Variants in DIABLO observed in about 807,000 individuals in gnomAD.
DIABLO encodes diablo homolog, mitochondrial.
DIABLO carries 32 observed loss-of-function variants against 31.7 expected under a neutral mutation model. The observed-to-expected ratio is 1.01, with a 90% confidence interval of 0.76 to 1.35. DIABLO has a LOEUF of 1.35. Ranked by LOEUF, DIABLO falls within the 40% of genes most tolerant of loss-of-function variation. The probability of loss-of-function intolerance (pLI) is 0.00; values close to 1 mark genes in which losing one functional copy is unlikely to be tolerated. For synonymous variants in DIABLO, 132 were observed against 103.2 expected, an observed-to-expected ratio of 1.28 and a Z score of -1.69; for missense variants, 316 against 286.4, an observed-to-expected ratio of 1.10 and a Z score of -0.75.
At position 122,211,077 on chromosome 12, in the gene DIABLO, T is replaced by TAAAAAAAAAAAAAA. The variant is rs1156571584; in HGVS notation, c.524-2514_524-2501dup. The stretch of plus-strand genomic sequence containing the variant: ...TGATTTTCCTTTGTTTAGTTAAAAG[T>TAAAAAAAAAAAAAA]AAAAAAAAAAAAAAAAAAAAAAAAA... On this transcript the variant is annotated intron_variant, in intron 5 of 5. Coordinates refer to ENST00000464942, the MANE Select transcript of DIABLO (RefSeq NM_001371333.1). 1.4e-3 allele frequency among the ~76,000 whole-genome samples: 20 copies of TAAAAAAAAAAAAAA among 14,344 alleles called. 6 individuals carry two copies. The highest frequency in any genetic ancestry group is 3.5e-3 in the Admixed American group (3 of 860). 9.4% of individuals were successfully genotyped at this position (14,344 alleles called of 152,430 possible). A position where few individuals can be genotyped will look rare whatever the true frequency, so the allele number is the denominator to read the frequency against.
upstream of DIABLO, chr12:122,226,792 G>T (rs1165757748): frequency 3.7e-6 from 2 of 535,626 alleles, no homozygotes; most frequent in African/African-American, 4.0e-5. Context: ...TCCGGGCTGA[G>T]GAGGCAGAAG....
intron 5 of DIABLO, chr12:122,209,802 T>C: frequency 1.4e-6 from 1 of 703,584 alleles, no homozygotes; most frequent in South Asian, 1.5e-5. Flanking sequence ...AGGACAATGT[T>C]GACAGGTAGT....
upstream of DIABLO, among the ~76,000 whole-genome samples, chr12:122,226,926 T>C (rs1593186884): frequency 1.3e-5 from 2 of 152,152 alleles, no homozygotes; most frequent in East Asian, 3.9e-4. Context: ...ACCTTTCTTT[T>C]CCCGTCACTC....
rs184891592 is a variant in DIABLO, at chr12:122,211,263, G to A, written c.524-2686C>T. Reference sequence around the variant, plus strand: ...AAAAAATAAAAAAGATTAATCGGGCGTGGTGGTGACTGCCTGTGGTCCCAG... The same window carrying A: ...AAAAAATAAAAAAGATTAATCGGGCATGGTGGTGACTGCCTGTGGTCCCAG... On this transcript the variant is annotated intron_variant, in intron 5 of 5. Transcript: ENST00000464942. Among the ~76,000 whole-genome samples, 457 of 151,936 alleles carry A rather than the reference G, an allele frequency of 3.0e-3. 5 individuals carry two copies. The highest frequency in any genetic ancestry group is 1.8e-3 in the Non-Finnish European group (123 of 67,964).
intron 1 of DIABLO, 80 bp downstream of exon 1, chr12:122,225,885 G>A (rs1418946791): frequency 6.5e-7 from 1 of 1,544,158 alleles, no homozygotes; most frequent in Admixed American, 2.0e-5. Context: ...AGGAAGGCGG[G>A]CGCCGTGGGC....
In DIABLO at chr12:122,208,080, T is replaced by C. The variant is rs578169980; in HGVS notation, c.*301A>G. 129 of 608,208 alleles carry C rather than the reference T, an allele frequency of 2.1e-4. 1 individual carries two copies. The highest frequency in any genetic ancestry group is 2.0e-3 in the African/African-American group (113 of 55,180). The allele number at this position is 608,208 out of a possible 1,614,324, so 37.7% of individuals were successfully genotyped here. A position where few individuals can be genotyped will look rare whatever the true frequency, so the allele number is the denominator to read the frequency against. On this transcript the variant is annotated 3_prime_UTR_variant, in exon 6 of 6. Transcript: ENST00000464942. ...AAGGGCATGACAAAAAGGACTCCTC[T>C]CTCTGACCCAGGTAGGCAAAATGCT... is the stretch of plus-strand genomic sequence containing the variant.
intron 2 of DIABLO, 123 bp from the exon 3 acceptor site, chr12:122,218,520 T>C (rs1954265514): frequency 8.0e-7 from 1 of 1,255,510 alleles, no homozygotes; most frequent in African/African-American, 1.5e-5. Flanking sequence ...CTGCACTATA[T>C]TTCTTTGGGT....
At chr12:122,224,471 G>C (rs565883504) in intron 2 of DIABLO, 41 bp downstream of exon 2, 2 of 1,613,356 alleles carry the variant, frequency 1.2e-6, no homozygotes, top group East Asian at 2.2e-5. Flanking sequence ...ACTTCAAGAG[G>C]ACACGGTACA....
At chr12:122,218,205 G>GCT in intron 3 of DIABLO, 61 bp downstream of exon 3, 1 of 1,592,330 alleles carries the variant, frequency 6.3e-7, no homozygotes, top group Non-Finnish European at 8.6e-7. Flanking sequence ...ACACAATTTG[G>GCT]TTGTGAGCCA....
chr12:122,209,721 C>T, intron 5 of DIABLO: 1 of 700,900 alleles, frequency 1.4e-6, no homozygotes. Context: ...TGTATTTCAC[C>T]ATCTGGGTAT....
upstream of DIABLO, chr12:122,226,217 CG>C: frequency 1.2e-6 from 1 of 830,936 alleles, no homozygotes; most frequent in Non-Finnish European, 2.0e-6. Flanking sequence ...AACCAACCGC[CG>C]GAACTTCCGC....
intron 2 of DIABLO, chr12:122,221,884 T>C (rs1954341923): frequency 6.6e-6 from 1 of 152,280 alleles, no homozygotes; most frequent in South Asian, 2.1e-4. Flanking sequence ...TGGTCGAAAA[T>C]AGCCTGGTAT....
chr12:122,227,162 G>A (rs542846490), upstream of DIABLO, among the ~76,000 whole-genome samples: 3 of 152,268 alleles, frequency 2.0e-5, no homozygotes, highest in African/African-American at 7.2e-5. Flanking sequence ...ATCCGATCCT[G>A]GGCTCACCCC....
chr12:122,210,865 T>G (rs894426287), intron 5 of DIABLO, among the ~76,000 whole-genome samples: 1 of 151,436 alleles, frequency 6.6e-6, no homozygotes, highest in African/African-American at 2.4e-5. Context: ...TTAGCAAAAC[T>G]CTGTTTCTAC....
At chr12:122,212,717 C>T (rs191381795) in intron 5 of DIABLO, among the ~76,000 whole-genome samples, 2,423 of 151,884 alleles carry the variant, frequency 0.016, 65 homozygotes, top group African/African-American at 0.054. Flanking sequence ...CTCTGCCTCC[C>T]AGGTTCACGC....
At chr12:122,216,934 T>G in intron 3 of DIABLO, 65 bp from the exon 4 acceptor site, 6 of 1,393,904 alleles carry the variant, frequency 4.3e-6, no homozygotes, top group Non-Finnish European at 5.1e-6. Flanking sequence ...AATAGAGAGA[T>G]TTCCACCTCA....
At position 122,208,576 on chromosome 12, in the gene DIABLO, G is replaced by A. The variant is rs753638530; in HGVS notation, c.525C>T (p.Gly175=). 72 of 1,611,702 alleles carry A rather than the reference G, an allele frequency of 4.5e-5. No homozygotes were observed. The highest frequency in any genetic ancestry group is 5.6e-5 in the Non-Finnish European group (66 of 1,179,946). The change falls in exon 6 of 6, where the codon GGC becomes GGT. Residue 175 remains glycine (G), a splice_region_variant and synonymous_variant. Transcript: ENST00000464942. The part of the protein sequence containing the change: ...EMAAEAAYQT[G]ADQASITARN... ...TGGCGGTTATAGAGGCCTGATCTGC[G>A]CCTGCCAAAAGATGGGACAATCGGG...
At chr12:122,211,500 T>G (rs1400397768) in intron 5 of DIABLO, among the ~76,000 whole-genome samples, 2 of 151,474 alleles carry the variant, frequency 1.3e-5, no homozygotes, top group African/African-American at 4.9e-5. Flanking sequence ...CTTGAGCCCA[T>G]GAGTTCAAAA....
chr12:122,217,091 AGAC>A (rs1954231114), intron 3 of DIABLO: 3 of 501,302 alleles, frequency 6.0e-6, no homozygotes, highest in Non-Finnish European at 1.1e-5. Context: ...TCAGCAATTC[AGAC>A]ACAGAAAGAG....
Sources: allele counts gnomAD v4.1 joint callset (sites outside exome capture counted in the v4.1 genomes callset), GRCh38; gene constraint gnomAD v4.1.1; transcripts MANE v1.5; gene names NCBI Gene and HGNC (gene_info 2026-07-23, HGNC 2026-07-21).